AFF1: variants seen among roughly 807,000 people sequenced by gnomAD.
AFF1 encodes the protein ALF transcription elongation factor 1, also known as AF4/FMR2 family member 1.
A neutral mutation model predicts 121.7 loss-of-function variants in AFF1; 48 were observed. The observed-to-expected ratio is 0.39, with a 90% confidence interval of 0.31 to 0.50. The LOEUF (loss-of-function observed/expected upper bound fraction) is 0.50. Among genes scored for constraint, AFF1 ranks in the 20% least tolerant of loss-of-function variants. The pLI is 0.76. For missense variants in AFF1, 1,523 were observed against 1,511.7 expected (o/e 1.01, Z -0.12); for synonymous variants, 613 against 563.0 (o/e 1.09, Z -1.26).
intron 4 of AFF1, among the ~76,000 whole-genome samples, chr4:87,068,146 C>T (rs1353131133): frequency 1.1e-5 from 1 of 87,948 alleles, no homozygotes; most frequent in Non-Finnish European, 2.2e-5. Context: ...TGAATTTTTC[C>T]CTCTAGAGTT....
At chr4:87,135,216 G>T (rs1213187238) in intron 20 of AFF1, among the ~76,000 whole-genome samples, 3 of 152,216 alleles carry the variant, frequency 2.0e-5, no homozygotes, top group Non-Finnish European at 4.4e-5. Flanking sequence ...GTTGGAGCCA[G>T]CTGGCTGTAA....
At chr4:86,939,921 T>C (rs898242356) in intron 1 of AFF1, among the ~76,000 whole-genome samples, 3 of 152,228 alleles carry the variant, frequency 2.0e-5, no homozygotes, top group Admixed American at 6.5e-5. Context: ...CACTGTGGTA[T>C]AGCAGAGAGT....
intron 2 of AFF1, among the ~76,000 whole-genome samples, chr4:87,022,265 G>T (rs951388194): frequency 4.1e-5 from 6 of 147,152 alleles, no homozygotes; most frequent in Non-Finnish European, 9.0e-5. Flanking sequence ...GTCAAAAATA[G>T]CCCAGTTAAC....
intron 12 of AFF1, among the ~76,000 whole-genome samples, chr4:87,119,711 A>G (rs1336221164): frequency 1.3e-5 from 2 of 152,212 alleles, no homozygotes; most frequent in Admixed American, 1.3e-4. Flanking sequence ...GTCTGTCTTA[A>G]TTGTCATTTA....
At chr4:87,060,864 A>AAAAAAAAAAC (rs1268072173) in intron 4 of AFF1, among the ~76,000 whole-genome samples, 1 of 49,140 alleles carries the variant, frequency 2.0e-5, no homozygotes, top group Non-Finnish European at 3.9e-5. Flanking sequence ...AAAAAAAAAA[A>AAAAAAAAAAC]AAACACAAAA....
At chr4:87,119,440 G>T (rs565145081) in intron 12 of AFF1, among the ~76,000 whole-genome samples, 14 of 151,844 alleles carry the variant, frequency 9.2e-5, no homozygotes. Flanking sequence ...GCACAGTAGC[G>T]CATGCCTGAG....
intron 4 of AFF1, chr4:87,049,577 G>A: frequency 2.8e-6 from 1 of 361,022 alleles, no homozygotes; most frequent in Admixed American, 3.0e-5. Context: ...GAAGAATGGG[G>A]TTTTTTTTTT....
At chr4:87,042,563 T>G (rs1449817403) in intron 2 of AFF1, among the ~76,000 whole-genome samples, 2 of 152,200 alleles carry the variant, frequency 1.3e-5, no homozygotes, top group Non-Finnish European at 1.5e-5. Context: ...CCATGATGTC[T>G]TTTTTCACCT....
chr4:86,944,900 TA>T (rs1296862024), intron 1 of AFF1, among the ~76,000 whole-genome samples: 24 of 152,342 alleles, frequency 1.6e-4, no homozygotes, highest in African/African-American at 5.3e-4. Context: ...ACTCTTGAAT[TA>T]TGAATTGTTT....
Position 87,044,574 on chromosome 4 carries a change from G to A in AFF1, c.39-1592G>A, listed in dbSNP as rs113323566. ...GAAGCTGAAAATTAAGGATGGGGGT[G>A]TGTGGTGGAGAGAGAAGCAGTGGAA... On this transcript the variant is annotated intron_variant, in intron 2 of 20. Coordinates refer to ENST00000395146, the MANE Select transcript of AFF1 (RefSeq NM_001166693.3). 2.0e-3 allele frequency among the ~76,000 whole-genome samples: 310 copies of A among 152,322 alleles called. 2 individuals are homozygous for A. The highest frequency in any genetic ancestry group is 7.0e-3 in the African/African-American group (292 of 41,552).
chr4:87,083,705 T>C (rs1723393080), intron 4 of AFF1, among the ~76,000 whole-genome samples: 1 of 152,342 alleles, frequency 6.6e-6, no homozygotes, highest in East Asian at 1.9e-4. Flanking sequence ...TAGTCTGCCA[T>C]TGTCTCCATC....
chr4:87,111,883 T>G (rs1309805592), intron 11 of AFF1, among the ~76,000 whole-genome samples: 1 of 152,212 alleles, frequency 6.6e-6, no homozygotes, highest in Non-Finnish European at 1.5e-5. Context: ...ATTTCTGTAA[T>G]CAGGACGTTC....
chr4:87,010,462 TC>T (rs1407425343), intron 2 of AFF1, among the ~76,000 whole-genome samples: 1 of 152,208 alleles, frequency 6.6e-6, no homozygotes, highest in Non-Finnish European at 1.5e-5. Flanking sequence ...AATATATACT[TC>T]CTTGTGGAAA....
chr4:86,979,736 T>C (rs1304613697), intron 2 of AFF1, among the ~76,000 whole-genome samples: 1 of 152,202 alleles, frequency 6.6e-6, no homozygotes, highest in African/African-American at 2.4e-5. Flanking sequence ...AAAAATAAAG[T>C]TTGACAACAT....
At chr4:87,062,704 CTTTT>C (rs1720905699) in intron 4 of AFF1, among the ~76,000 whole-genome samples, 1 of 151,860 alleles carries the variant, frequency 6.6e-6, no homozygotes, top group Non-Finnish European at 1.5e-5. Flanking sequence ...TTGTTTCTTT[CTTTT>C]GATTTTAGCA....
chr4:87,069,550 C>T (rs1578187319), intron 4 of AFF1, among the ~76,000 whole-genome samples: 1 of 148,210 alleles, frequency 6.7e-6, no homozygotes, highest in South Asian at 2.2e-4. Context: ...CTCTTTCTCT[C>T]CCCTTTCCCT....
At chr4:87,123,430 C>T (rs1727916264) in intron 12 of AFF1, among the ~76,000 whole-genome samples, 2 of 152,162 alleles carry the variant, frequency 1.3e-5, no homozygotes, top group African/African-American at 4.8e-5. Context: ...GATAGCCTCC[C>T]GAGGGTACGA....
intron 2 of AFF1, among the ~76,000 whole-genome samples, chr4:87,045,261 C>A (rs965564495): frequency 6.6e-6 from 1 of 152,192 alleles, no homozygotes; most frequent in Non-Finnish European, 1.5e-5. Flanking sequence ...TCAGTAGATT[C>A]CCTAGGAGCA....
At chr4:87,116,831 G>GGT (rs70957208) in intron 12 of AFF1, among the ~76,000 whole-genome samples, 12,342 of 151,128 alleles carry the variant, frequency 0.082, 647 homozygotes, top group Non-Finnish European at 0.12. Flanking sequence ...GATGGGGTGG[G>GGT]GTGTGTGTGT....
Sources: allele counts gnomAD v4.1 joint callset (sites outside exome capture counted in the v4.1 genomes callset), GRCh38; gene constraint gnomAD v4.1.1; transcripts MANE v1.5; gene names NCBI Gene and HGNC (gene_info 2026-07-23, HGNC 2026-07-21).